Variants in ST6GALNAC3 observed in about 807,000 individuals in gnomAD.
ST6GALNAC3 encodes alpha-N-acetylgalactosaminide alpha-2,6-sialyltransferase 3.
A neutral mutation model predicts 32.7 loss-of-function variants in ST6GALNAC3; 25 were observed. The observed-to-expected ratio is 0.76, with a 90% confidence interval of 0.56 to 1.07. ST6GALNAC3 has a LOEUF of 1.07. ST6GALNAC3 is among the 50% of genes least tolerant of loss of function. The probability of loss-of-function intolerance (pLI) is 0.00; values close to 1 mark genes in which losing one functional copy is unlikely to be tolerated. For synonymous variants in ST6GALNAC3, 129 were observed against 133.1 expected (o/e 0.97, Z 0.21); for missense variants, 355 against 382.4 (o/e 0.93, Z 0.60).
At chr1:76,401,261 C>T (rs2101215363) in intron 2 of ST6GALNAC3, among the ~76,000 whole-genome samples, 1 of 152,064 alleles carries the variant, frequency 6.6e-6, no homozygotes, top group African/African-American at 2.4e-5. Context: ...TCTTCTCTTT[C>T]ATTAATTCTT....
At position 76,108,884 on chromosome 1, in the gene ST6GALNAC3, G is replaced by A. The variant is rs1223016120; in HGVS notation, c.18+34000G>A. On this transcript the variant is annotated intron_variant, in intron 1 of 4. Transcript: ENST00000328299. The stretch of plus-strand genomic sequence containing the variant: ...ATAGTGTGTGTGTGTGTGTGTGTGT[G>A]TGTGTGTGTGTGTGTTTCTGAAGAA... Among the ~76,000 whole-genome samples the A allele has an allele frequency of 1.5e-4, 13 of 84,458 alleles. No individual in the cohort carries two copies. The South Asian group carries it at 3.1e-3, about 20-fold the overall frequency. The allele number at this position is 84,458 out of a possible 152,430, so 55.4% of individuals were successfully genotyped here. A position where few individuals can be genotyped will look rare whatever the true frequency, so the allele number is the denominator to read the frequency against.
chr1:76,159,337 T>C (rs1651670191), intron 1 of ST6GALNAC3, among the ~76,000 whole-genome samples: 1 of 152,140 alleles, frequency 6.6e-6, no homozygotes, highest in South Asian at 2.1e-4. Context: ...TACAGGCATA[T>C]GTCACTGGCT....
chr1:76,134,799 G>A (rs1426940947), intron 1 of ST6GALNAC3, among the ~76,000 whole-genome samples: 2 of 152,150 alleles, frequency 1.3e-5, no homozygotes, highest in Non-Finnish European at 2.9e-5. Context: ...AGAACGCTCA[G>A]GCTAAGTAAC....
At chr1:76,160,471 C>A (rs1332926181) in intron 1 of ST6GALNAC3, among the ~76,000 whole-genome samples, 2 of 152,148 alleles carry the variant, frequency 1.3e-5, no homozygotes, top group African/African-American at 4.8e-5. Context: ...AGTAGAAGTG[C>A]TGGCTTCTTG....
chr1:76,331,870 CT>C (rs1178981261), intron 2 of ST6GALNAC3, among the ~76,000 whole-genome samples: 1 of 152,160 alleles, frequency 6.6e-6, no homozygotes, highest in African/African-American at 2.4e-5. Context: ...TGTATTGTGT[CT>C]TTTTTGATTA....
At chr1:76,136,458 G>A (rs558313931) in intron 1 of ST6GALNAC3, among the ~76,000 whole-genome samples, 4 of 151,978 alleles carry the variant, frequency 2.6e-5, no homozygotes, top group South Asian at 2.1e-4. Flanking sequence ...ATTAAGTGGC[G>A]TCTTCTGTGA....
At chr1:76,569,652 T>C (rs2100482778) in intron 3 of ST6GALNAC3, among the ~76,000 whole-genome samples, 1 of 152,256 alleles carries the variant, frequency 6.6e-6, no homozygotes, top group East Asian at 1.9e-4. Flanking sequence ...AGGACTACAA[T>C]TAAGATCTCG....
chr1:76,306,565 G>A (rs1436498845), intron 1 of ST6GALNAC3, among the ~76,000 whole-genome samples: 2 of 149,054 alleles, frequency 1.3e-5, no homozygotes, highest in East Asian at 2.0e-4. Flanking sequence ...AGGCAATAGA[G>A]TTTTCATGGG....
rs1016397853 is a variant in ST6GALNAC3 at position 76,089,145 on chromosome 1, C to T, written c.18+14261C>T. ...CCGGGTTCACACCATTCTCCTGCCT[C>T]AGCTTCCCAAGTAGCTGGGACTACA... On this transcript the variant is annotated intron_variant, in intron 1 of 4. Transcript: ENST00000328299. Among the ~76,000 whole-genome samples the T allele has an allele frequency of 1.1e-4, 17 of 152,318 alleles. No homozygotes were observed. The East Asian group carries it at 3.1e-3, about 28-fold the overall frequency.
At chr1:76,270,068 TTCCTGAGAAAATTTCTCTGACA>T (rs1415346267) in intron 1 of ST6GALNAC3, among the ~76,000 whole-genome samples, 1 of 152,194 alleles carries the variant, frequency 6.6e-6, no homozygotes, top group Non-Finnish European at 1.5e-5. Context: ...CAAATAGTGG[TTCCTGAGAAAATTTCTCTGACA>T]TGCTGAGAAA....
chr1:76,590,366 A>T (rs1647028391), intron 3 of ST6GALNAC3, among the ~76,000 whole-genome samples: 1 of 152,244 alleles, frequency 6.6e-6, no homozygotes, highest in Non-Finnish European at 1.5e-5. Context: ...CAGTTGTCAG[A>T]TGTTTCAGTA....
chr1:76,381,345 T>A (rs886625037), intron 2 of ST6GALNAC3, among the ~76,000 whole-genome samples: 23 of 152,182 alleles, frequency 1.5e-4, no homozygotes, highest in African/African-American at 5.5e-4. Context: ...ACATTTGGAA[T>A]TTGGAGTCTG....
intron 1 of ST6GALNAC3, among the ~76,000 whole-genome samples, chr1:76,174,202 CA>C (rs1652702455): frequency 6.6e-6 from 1 of 151,448 alleles, no homozygotes; most frequent in Admixed American, 6.6e-5. Flanking sequence ...TCATCCTCAA[CA>C]AACTAACACA....
intron 1 of ST6GALNAC3, among the ~76,000 whole-genome samples, chr1:76,156,264 G>T (rs1651415363): frequency 6.6e-6 from 1 of 152,054 alleles, no homozygotes; most frequent in Non-Finnish European, 1.5e-5. Context: ...GTGTTTGTCA[G>T]GTTTCTTCTC....
At chr1:76,413,407 A>G (rs1233533733) in intron 3 of ST6GALNAC3, among the ~76,000 whole-genome samples, 4 of 152,186 alleles carry the variant, frequency 2.6e-5, no homozygotes, top group African/African-American at 9.6e-5. Flanking sequence ...TATAGTTCCA[A>G]TATTAGCATT....
chr1:76,338,889 C>T (rs74089896), intron 2 of ST6GALNAC3, among the ~76,000 whole-genome samples: 1,706 of 152,260 alleles, frequency 0.011, 36 homozygotes, highest in African/African-American at 0.039. Flanking sequence ...GTATTATCTT[C>T]CAAGATATCC....
chr1:76,613,218 G>A (rs572448892), intron 3 of ST6GALNAC3, among the ~76,000 whole-genome samples: 21 of 152,220 alleles, frequency 1.4e-4, no homozygotes, highest in Admixed American at 2.6e-4. Context: ...ATTTCCCCTC[G>A]TGATTTCAGG....
At position 76,300,982 on chromosome 1, in the gene ST6GALNAC3, A is replaced by C. The variant is rs140573238; in HGVS notation, c.19-12823A>C. ...TGAGGAAAGAATAGCTTATGTAGGC[A>C]ACCTGATATGTGGATAAAAAAAGGA... On this transcript the variant is annotated intron_variant, in intron 1 of 4. Transcript: ENST00000328299. Among the ~76,000 whole-genome samples, 478 of 152,114 alleles carry C rather than the reference A, an allele frequency of 3.1e-3. 4 individuals are homozygous for C. Among genetic ancestry groups the C allele is most frequent in the African/African-American group, 0.011 (449 of 41,522 alleles).
rs1661203355 is a variant in ST6GALNAC3, at chr1:76,308,504, A to G, written c.19-5301A>G. 4.6e-5 allele frequency among the ~76,000 whole-genome samples: 7 copies of G among 152,342 alleles called. No homozygotes were observed. In the South Asian group the frequency reaches 1.2e-3, roughly 27 times the overall value. ...AATCTAATTGGTGGTTGTTAAATCT[A>G]AAGGATGTTCTGACTACTTCAATAA... On this transcript the variant is annotated intron_variant, in intron 1 of 4. Transcript: ENST00000328299.
Sources: allele counts gnomAD v4.1 joint callset (sites outside exome capture counted in the v4.1 genomes callset), GRCh38; gene constraint gnomAD v4.1.1; transcripts MANE v1.5; gene names NCBI Gene and HGNC (gene_info 2026-07-23, HGNC 2026-07-21).